Variants in KIAA0586 observed in about 807,000 individuals in gnomAD.
KIAA0586 encodes the protein KIAA0586.
Under a neutral mutation model 169.8 loss-of-function variants are expected in KIAA0586, and 144 were observed. That is an observed-to-expected ratio of 0.85 (90% CI 0.74 to 0.97). The LOEUF is 0.97. KIAA0586 is among the 50% of genes least tolerant of loss of function. The probability of loss-of-function intolerance (pLI) is 0.00; values close to 1 mark genes in which losing one functional copy is unlikely to be tolerated. For synonymous variants in KIAA0586, 625 were observed against 612.4 expected (o/e 1.02, Z -0.30); for missense variants, 1,854 against 1,823.0 (o/e 1.02, Z -0.31).
intron 30 of KIAA0586, among the ~76,000 whole-genome samples, chr14:58,547,291 G>A (rs945283111): frequency 6.6e-5 from 10 of 152,086 alleles, no homozygotes; most frequent in Admixed American, 2.6e-4. Context: ...TAATGGGAGC[G>A]CTTAGTTTTT....
At chr14:58,508,468 A>T in intron 27 of KIAA0586, 87 bp from the exon 28 acceptor site, 1 of 1,012,450 alleles carries the variant, frequency 9.9e-7, no homozygotes, top group South Asian at 1.6e-5. Flanking sequence ...GGTGAGAAAT[A>T]TTGGTGGTTT....
chr14:58,428,375 A>G lies in KIAA0586; in HGVS notation c.111A>G (p.Lys37=). The change falls in exon 1 of 31, where the codon AAA becomes AAG. Residue 37 remains lysine, a synonymous_variant. Transcript: ENST00000652326. ...ATGGAGATCATTTGGTTTTGCTGAA[A>G]GATGAGTTGCCCTGTGTTCCTCCGG... ...QNHGDHLVLL[K]DELPCVPPAL... is the part of the protein sequence containing the mutation. 1 of 1,614,020 alleles carries G rather than the reference A, an allele frequency of 6.2e-7. No homozygotes were observed. Among genetic ancestry groups the G allele is most frequent in the East Asian group, 2.2e-5 (1 of 44,882 alleles).
At chr14:58,443,165 G>A (rs535483487) in intron 5 of KIAA0586, among the ~76,000 whole-genome samples, 28 of 152,304 alleles carry the variant, frequency 1.8e-4, no homozygotes, top group African/African-American at 6.5e-4. Flanking sequence ...TGGATAATCG[G>A]TTATTCTTAT....
At chr14:58,429,070 C>T (rs1754844774) in intron 1 of KIAA0586, among the ~76,000 whole-genome samples, 1 of 152,166 alleles carries the variant, frequency 6.6e-6, no homozygotes, top group Admixed American at 6.5e-5. Flanking sequence ...ACATCGTATA[C>T]ATATTTCTAC....
chr14:58,515,165 T>C (rs1024503819), intron 29 of KIAA0586, among the ~76,000 whole-genome samples: 5 of 151,988 alleles, frequency 3.3e-5, no homozygotes, highest in African/African-American at 1.2e-4. Context: ...AATGCTGTAA[T>C]AGATTGGATT....
chr14:58,502,418 G>A (rs191733779), intron 27 of KIAA0586, among the ~76,000 whole-genome samples: 5 of 152,298 alleles, frequency 3.3e-5, no homozygotes, highest in South Asian at 2.1e-4. Flanking sequence ...GGGATTACAC[G>A]TGTGAGCCAC....
rs895705759 is a variant in KIAA0586, at chr14:58,456,884, A to G, written c.1362+74A>G. The G allele has an allele frequency of 7.3e-6, 6 of 824,062 alleles. No individual in the cohort carries two copies. In the South Asian group the frequency reaches 9.6e-5, roughly 13 times the overall value. 51.0% of individuals were successfully genotyped at this position (824,062 alleles called of 1,614,324 possible). A position where few individuals can be genotyped will look rare whatever the true frequency, so the allele number is the denominator to read the frequency against. ...AAAAAGGAATAAAAGAGTTATAAAGATAGAAATTAGGAGGAAGGATGAAGA... is the reference window on the plus strand; with the variant it reads ...AAAAAGGAATAAAAGAGTTATAAAGGTAGAAATTAGGAGGAAGGATGAAGA... On this transcript the variant is annotated intron_variant, in intron 10 of 30. Transcript: ENST00000652326.
intron 29 of KIAA0586, among the ~76,000 whole-genome samples, chr14:58,515,541 T>G (rs1288510671): frequency 6.6e-6 from 1 of 152,152 alleles, no homozygotes; most frequent in Non-Finnish European, 1.5e-5. Flanking sequence ...GTATTTGAAA[T>G]TTAGCTAAAT....
At chr14:58,546,233 C>G (rs1021027632) in intron 30 of KIAA0586, among the ~76,000 whole-genome samples, 1 of 151,896 alleles carries the variant, frequency 6.6e-6, no homozygotes, top group African/African-American at 2.4e-5. Flanking sequence ...TCTTATCTTC[C>G]TCTCTCTTTT....
rs2046559608 is a variant in KIAA0586, at chr14:58,540,267, C to G, written c.4495+131C>G. 6.8e-6 allele frequency: 4 copies of G among 585,528 alleles called. No individual in the cohort carries two copies. The South Asian group carries it at 9.6e-5, about 14-fold the overall frequency. 36.3% of individuals were successfully genotyped at this position (585,528 alleles called of 1,614,324 possible). A position where few individuals can be genotyped will look rare whatever the true frequency, so the allele number is the denominator to read the frequency against. ...GCAATTTTTAATTCTTCTGTAATAT[C>G]TGTAAATTCACCCCAGGTTACAAAC... On this transcript the variant is annotated intron_variant, in intron 30 of 30. Transcript: ENST00000652326.
chr14:58,472,257 A>G lies in KIAA0586; in HGVS notation c.2612A>G (p.Asp871Gly). The change falls in exon 18 of 31, where the codon GAT becomes GGT. Residue 871 changes from aspartate to glycine, a missense_variant. Transcript: ENST00000652326. ...EEVKFPGTNF[D>G]EIIDVIQEEE... ...GTGAAGTTTCCAGGAACTAACTTTGATGAAATAATCGATGTCATACAGGTA... is the reference window on the plus strand; with the variant it reads ...GTGAAGTTTCCAGGAACTAACTTTGGTGAAATAATCGATGTCATACAGGTA... 1.3e-6 allele frequency: 2 copies of G among 1,576,274 alleles called. No individual in the cohort carries two copies. The highest frequency in any genetic ancestry group is 1.7e-6 in the Non-Finnish European group (2 of 1,160,330).
At chr14:58,511,805 G>T (rs996745428) in intron 28 of KIAA0586, among the ~76,000 whole-genome samples, 1 of 152,104 alleles carries the variant, frequency 6.6e-6, no homozygotes, top group Admixed American at 6.6e-5. Flanking sequence ...TTCTTCTATG[G>T]TTGTATTTAT....
chr14:58,429,341 A>G (rs369910006), intron 1 of KIAA0586, 22 bp from the exon 2 acceptor site: 491 of 1,451,134 alleles, frequency 3.4e-4, no homozygotes, highest in Non-Finnish European at 4.5e-4. Context: ...AATCACTAAA[A>G]TCTATTCCTT....
chr14:58,469,377 C>T (rs2140974293), intron 16 of KIAA0586, among the ~76,000 whole-genome samples: 1 of 152,318 alleles, frequency 6.6e-6, no homozygotes, highest in South Asian at 2.1e-4. Flanking sequence ...CCAACATGAA[C>T]CCAAGTGTGT....
Position 58,482,680 on chromosome 14 carries a change from G to A in KIAA0586, c.3112G>A (p.Gly1038Arg), listed in dbSNP as rs745471887. ...AGGTCCTGTTGCTACAGGTGTTTCT[G>A]GGGATGCTTCAACAAATGAAACATA... Reference protein sequence around the residue: ...KQGPVATGVSGDASTNETYLP... With the variant: ...KQGPVATGVSRDASTNETYLP... The change falls in exon 21 of 31, where the codon GGG (glycine) becomes AGG (arginine). Residue 1038 changes from glycine to arginine, a missense_variant. Physicochemically the swap from Gly to Arg is moderately radical, Grantham distance 125. Transcript: ENST00000652326. The A allele has an allele frequency of 5.1e-6, 8 of 1,578,030 alleles. No homozygotes were observed. The East Asian group carries it at 1.8e-4, about 36-fold the overall frequency.
intron 26 of KIAA0586, among the ~76,000 whole-genome samples, chr14:58,493,884 GAGGGAGAGGGAAGA>G (rs1434143212): frequency 6.6e-6 from 1 of 152,126 alleles, no homozygotes; most frequent in Non-Finnish European, 1.5e-5. Context: ...GAGAGAGAAA[GAGGGAGAGGGAAGA>G]AGGGAGAGAG....
At position 58,548,058 on chromosome 14, in the gene KIAA0586, A is replaced by T; in HGVS notation, c.*126A>T. On this transcript the variant is annotated 3_prime_UTR_variant, in exon 31 of 31. Transcript: ENST00000652326. ...TCTGAAAAAAAAATTCCAATATTTT[A>T]AAATAAAACAAAAAGCATAATTTGG... 9.0e-7 allele frequency: 1 copy of T among 1,112,278 alleles called. No individual in the cohort carries two copies. The highest frequency in any genetic ancestry group is 1.6e-5 in the African/African-American group (1 of 62,766). 68.9% of individuals were successfully genotyped at this position (1,112,278 alleles called of 1,614,324 possible).
chr14:58,480,260 C>A (rs1301729754), intron 20 of KIAA0586, among the ~76,000 whole-genome samples: 1 of 151,348 alleles, frequency 6.6e-6, no homozygotes, highest in Non-Finnish European at 1.5e-5. Context: ...ATGGCTCAAG[C>A]ATAGGCACTA....
chr14:58,459,323 A>C (rs527488377), intron 12 of KIAA0586, among the ~76,000 whole-genome samples: 55 of 152,292 alleles, frequency 3.6e-4, no homozygotes, highest in South Asian at 1.7e-3. Flanking sequence ...CACACACAAA[A>C]AAAAATTGAA....
Sources: allele counts gnomAD v4.1 joint callset (sites outside exome capture counted in the v4.1 genomes callset), GRCh38; gene constraint gnomAD v4.1.1; transcripts MANE v1.5; gene names NCBI Gene and HGNC (gene_info 2026-07-23, HGNC 2026-07-21).